Variants in BTBD9 observed in about 807,000 individuals in gnomAD.
BTBD9 encodes the protein BTB domain containing 9.
A neutral mutation model predicts 64.3 loss-of-function variants in BTBD9; 49 were observed. That is an observed-to-expected ratio of 0.76 (90% CI 0.61 to 0.97). The LOEUF (loss-of-function observed/expected upper bound fraction) is 0.97, where lower values mean the gene tolerates loss of function less well. BTBD9 is among the 50% of genes least tolerant of loss of function. BTBD9 has a pLI of 0.00. For missense variants in BTBD9, 598 were observed against 762.1 expected (o/e 0.78, Z 2.53); for synonymous variants, 260 against 274.7 (o/e 0.95, Z 0.53).
chr6:38,419,159 C>T (rs1050954729), intron 6 of BTBD9, among the ~76,000 whole-genome samples: 12 of 152,148 alleles, frequency 7.9e-5, no homozygotes, highest in African/African-American at 2.7e-4. Context: ...TAGGATACCG[C>T]TATTAATAGT....
chr6:38,371,149 G>A (rs901682658), intron 6 of BTBD9, among the ~76,000 whole-genome samples: 3 of 152,220 alleles, frequency 2.0e-5, no homozygotes, highest in African/African-American at 7.2e-5. Context: ...AGTCTGGGAT[G>A]TGAGTACTTG....
intron 6 of BTBD9, among the ~76,000 whole-genome samples, chr6:38,454,976 T>C (rs16890715): frequency 0.07 from 10,627 of 152,090 alleles, 731 homozygotes; most frequent in African/African-American, 0.17. Flanking sequence ...TATAACCAGA[T>C]ACCTCTGTTC....
intron 6 of BTBD9, among the ~76,000 whole-genome samples, chr6:38,490,073 C>CATT (rs1771635785): frequency 6.6e-6 from 1 of 152,164 alleles, no homozygotes; most frequent in East Asian, 1.9e-4. Context: ...TTCTAAAAAG[C>CATT]AGCCAGTGTA....
intron 6 of BTBD9, among the ~76,000 whole-genome samples, chr6:38,557,015 CAAAAAAAAAAAAAAAAAAAAAAAAAAAA>C (rs397888418): frequency 1.9e-4 from 3 of 15,386 alleles, no homozygotes; most frequent in African/African-American, 4.9e-4. Flanking sequence ...TCCATCTCAC[CAAAAAAAAAAAAAAAAAAAAAAAAAAAA>C]AAAAAAAAAA....
At chr6:38,397,736 A>G (rs549920213) in intron 6 of BTBD9, among the ~76,000 whole-genome samples, 1 of 152,356 alleles carries the variant, frequency 6.6e-6, no homozygotes, top group East Asian at 1.9e-4. Flanking sequence ...CATTAAGAAT[A>G]TCATTCTAGA....
At chr6:38,344,884 CAG>C in intron 7 of BTBD9, 98 bp downstream of exon 7, 1 of 674,670 alleles carries the variant, frequency 1.5e-6, no homozygotes, top group South Asian at 3.4e-5. Context: ...TTAAATCAAC[CAG>C]AGTCCTTAGA....
intron 6 of BTBD9, among the ~76,000 whole-genome samples, chr6:38,409,118 C>T (rs1413408385): frequency 1.3e-5 from 2 of 152,140 alleles, no homozygotes; most frequent in Non-Finnish European, 2.9e-5. Flanking sequence ...GGCATGATGG[C>T]AGGTGCCTGT....
intron 6 of BTBD9, among the ~76,000 whole-genome samples, chr6:38,507,550 A>T (rs1043580982): frequency 6.6e-6 from 1 of 152,236 alleles, no homozygotes; most frequent in Non-Finnish European, 1.5e-5. Flanking sequence ...TTGTTAAAGC[A>T]AATGGAAATG....
intron 7 of BTBD9, among the ~76,000 whole-genome samples, chr6:38,288,739 C>T (rs189757437): frequency 8.2e-4 from 124 of 151,758 alleles, no homozygotes; most frequent in African/African-American, 2.8e-3. Context: ...TGAGACCAGC[C>T]AACATGGTGA....
At chr6:38,435,887 T>G (rs926376568) in intron 6 of BTBD9, among the ~76,000 whole-genome samples, 2 of 151,390 alleles carry the variant, frequency 1.3e-5, no homozygotes, top group African/African-American at 4.9e-5. Flanking sequence ...CAGGCTGGTC[T>G]CAAACTCCTG....
At chr6:38,455,826 C>T (rs1769773411) in intron 6 of BTBD9, among the ~76,000 whole-genome samples, 3 of 152,050 alleles carry the variant, frequency 2.0e-5, no homozygotes, top group Admixed American at 6.5e-5. Flanking sequence ...TACAGGCATG[C>T]GCCACAACAC....
intron 6 of BTBD9, among the ~76,000 whole-genome samples, chr6:38,454,070 T>C (rs1377689373): frequency 4.6e-5 from 7 of 152,228 alleles, no homozygotes; most frequent in Admixed American, 3.3e-4. Flanking sequence ...ATGACTCTGA[T>C]GTACTTCAAA....
intron 6 of BTBD9, among the ~76,000 whole-genome samples, chr6:38,506,853 T>C (rs1772546840): frequency 6.6e-6 from 1 of 152,228 alleles, no homozygotes; most frequent in African/African-American, 2.4e-5. Flanking sequence ...AAAATACAAA[T>C]TAATACCATG....
At chr6:38,465,033 C>T (rs1321964683) in intron 6 of BTBD9, among the ~76,000 whole-genome samples, 2 of 152,042 alleles carry the variant, frequency 1.3e-5, no homozygotes, top group East Asian at 1.9e-4. Flanking sequence ...CCATGTGGGG[C>T]AGCTCATGCC....
rs56268245 is a variant in BTBD9 at position 38,417,801 on chromosome 6, A to AGAGAGAGAGAGAGAGAG, written c.1155-72709_1155-72708insCTCTCTCTCTCTCTCTC. ...GAGAGAGAGAGAGAGAGAGAGAGAG[A>AGAGAGAGAGAGAGAGAG]AAAAAAATATTGACACATAACTGGT... On this transcript the variant is annotated intron_variant, in intron 6 of 10. Coordinates refer to ENST00000481247, the MANE Select transcript of BTBD9 (RefSeq NM_001099272.2). Among the ~76,000 whole-genome samples the AGAGAGAGAGAGAGAGAG allele has an allele frequency of 9.0e-3, 1,228 of 136,946 alleles. 33 individuals are homozygous for AGAGAGAGAGAGAGAGAG. The highest frequency in any genetic ancestry group is 0.026 in the African/African-American group (859 of 32,796). 89.8% of individuals were successfully genotyped at this position (136,946 alleles called of 152,430 possible).
At chr6:38,229,001 A>T (rs1763508796) in intron 9 of BTBD9, among the ~76,000 whole-genome samples, 1 of 152,228 alleles carries the variant, frequency 6.6e-6, no homozygotes, top group South Asian at 2.1e-4. Context: ...GTTCAAGACC[A>T]GCCTGGCCAA....
rs1056149822 is a variant in BTBD9 at position 38,512,253 on chromosome 6, G to C, written c.1154+65347C>G. The stretch of plus-strand genomic sequence containing the variant: ...CTCCCAAAGTGCTGAGATTACAGGC[G>C]TGAACCACCATGCCCGGCCACTACT... On this transcript the variant is annotated intron_variant, in intron 6 of 10. Transcript: ENST00000481247. Among the ~76,000 whole-genome samples the C allele has an allele frequency of 4.6e-5, 7 of 152,264 alleles. No individual in the cohort carries two copies. The South Asian group carries it at 1.5e-3, about 32-fold the overall frequency.
chr6:38,179,672 G>C (rs1466459405), intron 10 of BTBD9: 2 of 456,766 alleles, frequency 4.4e-6, no homozygotes, highest in Admixed American at 4.7e-5. Flanking sequence ...CGAGTGGCAG[G>C]CTGGGAATGA....
At position 38,580,308 on chromosome 6, in the gene BTBD9, T is replaced by A; in HGVS notation, c.944A>T (p.Asp315Val). Reference sequence around the variant, plus strand: ...CTCGATGCCGGAACGGCAGTCATCATCAATTGGGTGCCTTGAAAATCCATG... The same window carrying A: ...CTCGATGCCGGAACGGCAGTCATCAACAATTGGGTGCCTTGAAAATCCATG... ...LDHGFSRHPI[D>V]DDCRSGIEIK... Residue 315 changes from aspartate (D) to valine (V), a missense_variant, in exon 5 of 11, where the codon GAT becomes GTT. Coordinates refer to ENST00000481247, the MANE Select transcript of BTBD9 (RefSeq NM_001099272.2). 1 of 1,614,260 alleles carries A rather than the reference T, an allele frequency of 6.2e-7. No homozygotes were observed. The highest frequency in any genetic ancestry group is 8.5e-7 in the Non-Finnish European group (1 of 1,180,042).
Sources: gnomAD v4.1 joint callset for allele counts (sites outside exome capture counted in the v4.1 genomes callset) on GRCh38, gnomAD v4.1.1 for gene constraint, MANE v1.5 for transcripts, NCBI Gene and HGNC (gene_info 2026-07-23, HGNC 2026-07-21) for gene names.